The following PBX1 variants were observed in gnomAD, a reference collection of about 807,000 sequenced individuals.
The protein encoded by PBX1 is pre-B-cell leukemia transcription factor 1.
Under a neutral mutation model 53.4 loss-of-function variants are expected in PBX1, and 6 were observed. The ratio of observed to expected loss-of-function variants is 0.11; its 90% CI spans 0.06 to 0.22. The LOEUF is 0.22. Ranked by LOEUF, PBX1 falls within the 10% of genes least tolerant of loss-of-function variation. The pLI, the probability that PBX1 is intolerant of heterozygous loss-of-function variation, is 1.00. For synonymous variants in PBX1, 204 were observed against 212.3 expected (o/e 0.96, Z 0.34); for missense variants, 251 against 551.4 (o/e 0.46, Z 5.46).
intron 2 of PBX1, among the ~76,000 whole-genome samples, chr1:164,746,796 GTTT>G (rs1350548641): frequency 2.0e-5 from 3 of 152,078 alleles, no homozygotes; most frequent in African/African-American, 7.2e-5. Flanking sequence ...TATCTCCTAT[GTTT>G]TACAGAGAAT....
chr1:164,825,776 T>C (rs1377160796), intron 8 of PBX1, among the ~76,000 whole-genome samples: 3 of 152,182 alleles, frequency 2.0e-5, no homozygotes, highest in African/African-American at 7.2e-5. Flanking sequence ...CTTTCACTCC[T>C]CCTATCCTTA....
chr1:164,646,195 A>G (rs1184979166), intron 2 of PBX1, among the ~76,000 whole-genome samples: 1 of 152,230 alleles, frequency 6.6e-6, no homozygotes, highest in African/African-American at 2.4e-5. Flanking sequence ...GAGCAGAAGA[A>G]TGAAGGGGAA....
At chr1:164,728,272 G>A (rs766539345) in intron 2 of PBX1, among the ~76,000 whole-genome samples, 3 of 151,158 alleles carry the variant, frequency 2.0e-5, no homozygotes, top group Non-Finnish European at 4.4e-5. Flanking sequence ...AGCCATGATC[G>A]CGCCACTACA....
chr1:164,873,090 T>G lies in PBX1; in HGVS notation n.258-26098T>G, dbSNP rs546934602. 2.0e-5 allele frequency among the ~76,000 whole-genome samples: 3 copies of G among 152,312 alleles called. No individual in the cohort carries two copies. The East Asian group carries it at 5.8e-4, about 29-fold the overall frequency. On this transcript the variant is annotated intron_variant and non_coding_transcript_variant, in intron 2 of 2. Transcript: ENST00000558796. ...AACTGACTCAGAAACTTTAGGTAAC[T>G]TAGGCAAGGATACACAACCAGTATA...
chr1:164,753,923 A>G (rs780393601), intron 2 of PBX1, among the ~76,000 whole-genome samples: 33 of 152,288 alleles, frequency 2.2e-4, no homozygotes, highest in South Asian at 6.2e-4. Context: ...AGTAGCCGTG[A>G]AAGGCCTCTG....
chr1:164,770,722 C>T (rs977079974), intron 2 of PBX1: 1 of 152,210 alleles, frequency 6.6e-6, no homozygotes, highest in African/African-American at 2.4e-5. Flanking sequence ...CCAGCACTGC[C>T]ATGTCTTTTG....
intron 8 of PBX1, among the ~76,000 whole-genome samples, chr1:164,838,632 C>T (rs545710535): frequency 1.3e-5 from 2 of 152,278 alleles, no homozygotes; most frequent in Admixed American, 6.5e-5. Context: ...CAGTAGCAGG[C>T]AGTGGGTACT....
intron 8 of PBX1, among the ~76,000 whole-genome samples, chr1:164,835,955 G>T (rs1671017505): frequency 6.6e-6 from 1 of 152,098 alleles, no homozygotes; most frequent in African/African-American, 2.4e-5. Flanking sequence ...TAGTGCCCAA[G>T]AATTTTCTAA....
intron 2 of PBX1, among the ~76,000 whole-genome samples, chr1:164,859,105 G>C (rs1201395044): frequency 6.6e-6 from 1 of 152,192 alleles, no homozygotes; most frequent in Non-Finnish European, 1.5e-5. Flanking sequence ...ATGGCTGAAT[G>C]GAAATCAAGA....
chr1:164,676,101 A>G (rs944727640), intron 2 of PBX1, among the ~76,000 whole-genome samples: 15 of 152,168 alleles, frequency 9.9e-5, no homozygotes, highest in African/African-American at 3.6e-4. Context: ...AGCTTACTGC[A>G]CAGAGGGGTG....
At chr1:164,662,725 T>A (rs1660555809) in intron 2 of PBX1, among the ~76,000 whole-genome samples, 1 of 152,190 alleles carries the variant, frequency 6.6e-6, no homozygotes, top group South Asian at 2.1e-4. Flanking sequence ...GTCTTTCCCG[T>A]AATTGCCTAG....
At chr1:164,817,154 T>C (rs1165532277) in intron 6 of PBX1, 2 of 152,224 alleles carry the variant, frequency 1.3e-5, no homozygotes, top group East Asian at 3.9e-4. Context: ...AATGTGCTTC[T>C]AATGGTAGCT....
chr1:164,714,502 T>C (rs1025135697), intron 2 of PBX1, among the ~76,000 whole-genome samples: 2 of 152,144 alleles, frequency 1.3e-5, no homozygotes, highest in African/African-American at 4.8e-5. Flanking sequence ...GCCTTCCTTA[T>C]ATCATTATTT....
intron 2 of PBX1, among the ~76,000 whole-genome samples, chr1:164,885,825 T>G (rs1220046877): frequency 6.6e-6 from 1 of 152,108 alleles, no homozygotes; most frequent in African/African-American, 2.4e-5. Context: ...TAGCTAAACT[T>G]GTAAACCATC....
At chr1:164,741,352 A>C (rs1482133222) in intron 2 of PBX1, among the ~76,000 whole-genome samples, 1 of 152,162 alleles carries the variant, frequency 6.6e-6, no homozygotes, top group Non-Finnish European at 1.5e-5. Flanking sequence ...TATTCCAAAG[A>C]ATGTCAGACA....
intron 2 of PBX1, among the ~76,000 whole-genome samples, chr1:164,741,874 C>T (rs1163980904): frequency 1.3e-5 from 2 of 151,682 alleles, no homozygotes; most frequent in Non-Finnish European, 2.9e-5. Context: ...CCAAGAGGGA[C>T]TTGTAAACCT....
chr1:164,798,776 G>A (rs1028315874), intron 3 of PBX1, among the ~76,000 whole-genome samples: 1 of 152,236 alleles, frequency 6.6e-6, no homozygotes, highest in Non-Finnish European at 1.5e-5. Context: ...TTTTGATGCT[G>A]TTTCTGTAAG....
chr1:164,630,560 C>T (rs12044191), intron 2 of PBX1, among the ~76,000 whole-genome samples: 18 of 152,126 alleles, frequency 1.2e-4, no homozygotes, highest in African/African-American at 3.6e-4. Flanking sequence ...CTAACATGCA[C>T]TAGGTTCCTA....
intron 2 of PBX1, among the ~76,000 whole-genome samples, chr1:164,630,770 G>C (rs1388268719): frequency 2.6e-5 from 4 of 152,144 alleles, no homozygotes; most frequent in Non-Finnish European, 5.9e-5. Flanking sequence ...CCCCTACCAG[G>C]TACTTGGCAA....
Sources: allele counts gnomAD v4.1 joint callset (sites outside exome capture counted in the v4.1 genomes callset), GRCh38; gene constraint gnomAD v4.1.1; transcripts MANE v1.5; gene names NCBI Gene and HGNC (gene_info 2026-07-23, HGNC 2026-07-21).